FRMD4A: variants seen among roughly 807,000 people sequenced by gnomAD.
FRMD4A encodes FERM domain-containing protein 4A.
A neutral mutation model predicts 129.1 loss-of-function variants in FRMD4A; 29 were observed. That is an observed-to-expected ratio of 0.22 (90% confidence interval 0.17 to 0.31). The LOEUF is 0.31. FRMD4A is among the 10% of genes least tolerant of loss of function. The pLI, the probability that FRMD4A is intolerant of heterozygous loss-of-function variation, is 1.00. For synonymous variants in FRMD4A, 634 were observed against 571.6 expected (o/e 1.11, Z -1.56); for missense variants, 1,272 against 1,375.8 (o/e 0.92, Z 1.19).
At chr10:13,778,269 T>C (rs1279006602) in intron 6 of FRMD4A, among the ~76,000 whole-genome samples, 1 of 152,216 alleles carries the variant, frequency 6.6e-6, no homozygotes, top group Non-Finnish European at 1.5e-5. Context: ...ACAATCTGTA[T>C]GTAAGTTCAG....
At chr10:14,019,048 A>G (rs1428241485) in intron 2 of FRMD4A, among the ~76,000 whole-genome samples, 1 of 152,212 alleles carries the variant, frequency 6.6e-6, no homozygotes, top group African/African-American at 2.4e-5. Context: ...GAAGAATGTT[A>G]GAAGGGAATA....
intron 2 of FRMD4A, among the ~76,000 whole-genome samples, chr10:14,249,735 C>T (rs984146079): frequency 1.3e-5 from 2 of 152,178 alleles, no homozygotes; most frequent in East Asian, 1.9e-4. Context: ...ACAAAGTAAA[C>T]GTTCCCGATA....
intron 12 of FRMD4A, among the ~76,000 whole-genome samples, chr10:13,731,938 G>A (rs1050543726): frequency 2.6e-5 from 4 of 152,212 alleles, no homozygotes; most frequent in African/African-American, 9.6e-5. Flanking sequence ...CAGTCTGCAG[G>A]GTGTCCCCAC....
chr10:13,723,875 T>C (rs763307673), intron 12 of FRMD4A, among the ~76,000 whole-genome samples: 14 of 152,124 alleles, frequency 9.2e-5, no homozygotes, highest in Non-Finnish European at 1.3e-4. Flanking sequence ...GGGATGGAGC[T>C]CAGATGGGAG....
chr10:13,736,116 C>A (rs912611466), intron 12 of FRMD4A, among the ~76,000 whole-genome samples: 1 of 152,162 alleles, frequency 6.6e-6, no homozygotes, highest in Middle Eastern at 3.2e-3. Context: ...CGTGCCACTG[C>A]ACTCCAGCCT....
At chr10:13,798,980 G>T (rs931838105) in intron 4 of FRMD4A, among the ~76,000 whole-genome samples, 2 of 152,012 alleles carry the variant, frequency 1.3e-5, no homozygotes, top group African/African-American at 4.8e-5. Context: ...GGCCCATCCC[G>T]CAGGACTCAG....
At chr10:13,660,970 T>G (rs1199096619) in intron 19 of FRMD4A, among the ~76,000 whole-genome samples, 1 of 152,176 alleles carries the variant, frequency 6.6e-6, no homozygotes, top group Non-Finnish European at 1.5e-5. Context: ...GAGTTTTGTC[T>G]GTTTCATCTG....
At chr10:13,680,780 C>T (rs1258849448) in intron 15 of FRMD4A, among the ~76,000 whole-genome samples, 1 of 151,756 alleles carries the variant, frequency 6.6e-6, no homozygotes, top group Non-Finnish European at 1.5e-5. Context: ...GGCGCAGTGG[C>T]TCATACCTGT....
intron 2 of FRMD4A, among the ~76,000 whole-genome samples, chr10:14,123,405 T>C (rs962806416): frequency 6.6e-6 from 1 of 152,334 alleles, no homozygotes; most frequent in Admixed American, 6.5e-5. Context: ...AAAATTCCAT[T>C]TCTCTTGCCA....
intron 2 of FRMD4A, among the ~76,000 whole-genome samples, chr10:14,189,447 A>C (rs1215602673): frequency 2.0e-5 from 3 of 152,014 alleles, no homozygotes; most frequent in South Asian, 4.1e-4. Flanking sequence ...GGTGGCGGGC[A>C]CCTGTAATCC....
intron 3 of FRMD4A, among the ~76,000 whole-genome samples, chr10:13,857,208 T>A (rs543708119): frequency 2.0e-3 from 301 of 152,334 alleles, no homozygotes; most frequent in African/African-American, 6.4e-3. Flanking sequence ...TTTTTTTTTT[T>A]AAATCCCTTA....
chr10:13,748,244 C>T (rs984972005), intron 8 of FRMD4A, among the ~76,000 whole-genome samples: 1 of 152,192 alleles, frequency 6.6e-6, no homozygotes, highest in African/African-American at 2.4e-5. Context: ...TGGGCAATGG[C>T]GCCACTGTCT....
intron 2 of FRMD4A, among the ~76,000 whole-genome samples, chr10:14,217,504 G>T (rs975838715): frequency 1.3e-5 from 2 of 152,160 alleles, no homozygotes; most frequent in African/African-American, 2.4e-5. Context: ...TTCACCTTCT[G>T]CCATGATTGT....
chr10:13,910,227 G>A (rs1193761738), intron 2 of FRMD4A, among the ~76,000 whole-genome samples: 1 of 152,226 alleles, frequency 6.6e-6, no homozygotes, highest in Non-Finnish European at 1.5e-5. Flanking sequence ...AAAGGACTTT[G>A]ATGCTTCAAT....
chr10:13,660,534 G>A lies in FRMD4A; in HGVS notation c.1680C>T (p.Ser560=), dbSNP rs1393927619. ...GAGGAGAATGTAGGGGGGATATTGTGCTGGTAACCTGAGAGTCTTCTGCAC... is the reference window on the plus strand; with the variant it reads ...GAGGAGAATGTAGGGGGGATATTGTACTGGTAACCTGAGAGTCTTCTGCAC... ...VLEDEDSQVT[S]TISPLHSPHK... Residue 560 remains serine (S), a synonymous_variant, in exon 20 of 25, where the codon AGC becomes AGT. Transcript: ENST00000357447. 5.0e-6 allele frequency: 8 copies of A among 1,608,534 alleles called. No individual in the cohort carries two copies. The South Asian group carries it at 5.5e-5, about 11-fold the overall frequency.
intron 2 of FRMD4A, among the ~76,000 whole-genome samples, chr10:13,938,185 G>A (rs11258730): frequency 0.099 from 15,133 of 152,140 alleles, 829 homozygotes; most frequent in Middle Eastern, 0.18. Flanking sequence ...AGTATTAGAA[G>A]TTTTCCTTGT....
At chr10:14,208,156 A>G (rs1223554966) in intron 2 of FRMD4A, among the ~76,000 whole-genome samples, 1 of 152,126 alleles carries the variant, frequency 6.6e-6, no homozygotes, top group Non-Finnish European at 1.5e-5. Context: ...TGATCACACT[A>G]CTGGCCTCCA....
chr10:14,280,485 T>C (rs1234649), intron 2 of FRMD4A, among the ~76,000 whole-genome samples: 97,400 of 151,884 alleles, frequency 0.64, 32,850 homozygotes, highest in African/African-American at 0.87. Context: ...CAAATCACCA[T>C]GTAAGTGATT....
At chr10:13,886,391 A>T in intron 2 of FRMD4A, among the ~76,000 whole-genome samples, 1 of 152,178 alleles carries the variant, frequency 6.6e-6, no homozygotes, top group East Asian at 1.9e-4. Context: ...AGTGCAAAAT[A>T]TCATTAAAAG....
Sources: gnomAD v4.1 joint callset for allele counts (sites outside exome capture counted in the v4.1 genomes callset) on GRCh38, gnomAD v4.1.1 for gene constraint, MANE v1.5 for transcripts, NCBI Gene and HGNC (gene_info 2026-07-23, HGNC 2026-07-21) for gene names.